Variants in SYNCRIP observed in about 807,000 individuals in gnomAD.
The protein encoded by SYNCRIP is heterogeneous nuclear ribonucleoprotein Q.
In SYNCRIP, 9 loss-of-function variants were observed where a neutral mutation model predicts 68.9. The observed-to-expected ratio is 0.13, with a 90% CI of 0.08 to 0.23. SYNCRIP has a LOEUF of 0.23. Among genes scored for constraint, SYNCRIP ranks in the 10% least tolerant of loss-of-function variants. The pLI, the probability that SYNCRIP is intolerant of heterozygous loss-of-function variation, is 1.00. For synonymous variants in SYNCRIP, 258 were observed against 254.0 expected (o/e 1.02, Z -0.15); for missense variants, 414 against 770.6 (o/e 0.54, Z 5.48).
At chr6:85,633,874 A>G (rs1808123785) in intron 6 of SYNCRIP, among the ~76,000 whole-genome samples, 1 of 152,130 alleles carries the variant, frequency 6.6e-6, no homozygotes, top group African/African-American at 2.4e-5. Flanking sequence ...CTTGCACCTC[A>G]GCCTACCAAA....
chr6:85,625,723 T>G (rs533009362), intron 6 of SYNCRIP, among the ~76,000 whole-genome samples: 1 of 152,224 alleles, frequency 6.6e-6, no homozygotes, highest in East Asian at 1.9e-4. Flanking sequence ...CTGAAGAAAT[T>G]GCCTTCCTTC....
chr6:85,640,798 A>G (rs971215610), intron 2 of SYNCRIP, among the ~76,000 whole-genome samples: 5 of 152,122 alleles, frequency 3.3e-5, no homozygotes, highest in Non-Finnish European at 7.4e-5. Context: ...TTTTATCTCC[A>G]AAGTCTGATA....
At chr6:85,641,538 C>T (rs983009023) in intron 1 of SYNCRIP, 87 bp from the exon 2 acceptor site, 1 of 1,323,904 alleles carries the variant, frequency 7.6e-7, no homozygotes, top group African/African-American at 1.5e-5. Context: ...CTTTCTCTAC[C>T]ATTTACTACA....
At chr6:85,609,666 A>T (rs1805095703), downstream of SYNCRIP, 1 of 152,024 alleles carries the variant, frequency 6.6e-6, no homozygotes, top group African/African-American at 2.4e-5. Flanking sequence ...TTTCTCACAA[A>T]GCAACTTTCT....
At position 85,614,793 on chromosome 6, in the gene SYNCRIP, T is replaced by C; in HGVS notation, c.1835A>G (p.Glu612Gly). The change falls in exon 11 of 11, where the codon GAG (glutamate) becomes GGG (glycine). Residue 612 changes from glutamate (E) to glycine (G), a missense_variant. This residue lies in a region of SYNCRIP where 130 missense variants were observed against 149.0 expected (regional missense o/e 0.87). Coordinates refer to ENST00000369622, the MANE Select transcript of SYNCRIP (RefSeq NM_006372.5). ...TTGCCCAAAAGTATCCTGATAAAAC[T>C]CCTGGTTTTCAGATTTGTAACCATA... Reference protein sequence around the residue: ...GNYGYKSENQEFYQDTFGQQW... With the variant: ...GNYGYKSENQGFYQDTFGQQW... 1 of 1,610,506 alleles carries C rather than the reference T, an allele frequency of 6.2e-7. No individual in the cohort carries two copies. Among genetic ancestry groups the C allele is most frequent in the Middle Eastern group, 1.7e-4 (1 of 6,038 alleles).
intron 1 of SYNCRIP, among the ~76,000 whole-genome samples, chr6:85,642,279 AC>A (rs1809273657): frequency 6.6e-6 from 1 of 151,466 alleles, no homozygotes; most frequent in Non-Finnish European, 1.5e-5. Flanking sequence ...GGCGCCGACG[AC>A]CCCCGGCCGC....
At chr6:85,616,538 G>C (rs1805796666) in intron 10 of SYNCRIP, among the ~76,000 whole-genome samples, 1 of 152,028 alleles carries the variant, frequency 6.6e-6, no homozygotes, top group African/African-American at 2.4e-5. Flanking sequence ...TGGCCAGGCT[G>C]GTCTCGAACT....
chr6:85,622,130 T>G (rs1472631112), intron 8 of SYNCRIP, among the ~76,000 whole-genome samples: 2 of 152,062 alleles, frequency 1.3e-5, no homozygotes, highest in Non-Finnish European at 2.9e-5. Flanking sequence ...TCCCAGCACT[T>G]TGGAAGGCCG....
intron 8 of SYNCRIP, among the ~76,000 whole-genome samples, chr6:85,619,905 T>TG (rs1322087691): frequency 1.3e-5 from 2 of 152,192 alleles, no homozygotes; most frequent in Non-Finnish European, 2.9e-5. Context: ...AAAACTTACA[T>TG]GCACACAAAA....
At chr6:85,626,290 G>A (rs368550785) in intron 6 of SYNCRIP, among the ~76,000 whole-genome samples, 1 of 152,146 alleles carries the variant, frequency 6.6e-6, no homozygotes, top group Non-Finnish European at 1.5e-5. Context: ...TTATAATCTA[G>A]CATCAAGTAG....
At position 85,614,538 on chromosome 6, in the gene SYNCRIP, G is replaced by GT; in HGVS notation, c.*217dup. 7.9e-7 allele frequency: 1 copy of GT among 1,261,628 alleles called. No individual in the cohort carries two copies. The highest frequency in any genetic ancestry group is 2.8e-5 in the South Asian group (1 of 35,816). The allele number at this position is 1,261,628 out of a possible 1,614,324, so 78.2% of individuals were successfully genotyped here. A position where few individuals can be genotyped will look rare whatever the true frequency, so the allele number is the denominator to read the frequency against. ...GCAAACTCATTAACTATTTCTTTCAGTATCTAAGAATATCTTTATTGAAAA... is the reference window on the plus strand; with the variant it reads ...GCAAACTCATTAACTATTTCTTTCAGTTATCTAAGAATATCTTTATTGAAAA... On this transcript the variant is annotated 3_prime_UTR_variant, in exon 11 of 11. Coordinates refer to ENST00000369622, the MANE Select transcript of SYNCRIP (RefSeq NM_006372.5).
chr6:85,617,018 G>A (rs1249079962), intron 10 of SYNCRIP, among the ~76,000 whole-genome samples: 1 of 152,018 alleles, frequency 6.6e-6, no homozygotes, highest in Non-Finnish European at 1.5e-5. Flanking sequence ...GGTTAAGAGG[G>A]AAAATTATGG....
In SYNCRIP at chr6:85,619,330, G is replaced by T. The variant is rs1806129569; in HGVS notation, c.1096C>A (p.Arg366=). ...KAFSQFGKLE[R]VKKLKDYAFI... is the part of the protein sequence containing the mutation. Reference sequence around the variant, plus strand: ...GCATAATCTTTTAACTTCTTCACTCGTTCCAGTTTCCCAAACTGACTAAAT... The same window carrying T: ...GCATAATCTTTTAACTTCTTCACTCTTTCCAGTTTCCCAAACTGACTAAAT... Residue 366 remains arginine (R), a synonymous_variant, in exon 9 of 11, where the codon CGA becomes AGA. Coordinates refer to ENST00000369622, the MANE Select transcript of SYNCRIP (RefSeq NM_006372.5). 1.9e-6 allele frequency: 3 copies of T among 1,613,738 alleles called. No homozygotes were observed. The African/African-American group carries it at 4.0e-5, about 22-fold the overall frequency.
At chr6:85,634,801 C>A (rs570340095) in intron 6 of SYNCRIP, among the ~76,000 whole-genome samples, 2 of 152,170 alleles carry the variant, frequency 1.3e-5, no homozygotes, top group Non-Finnish European at 2.9e-5. Flanking sequence ...GATTTTGGGA[C>A]AGGCAAGGTG....
Position 85,614,202 on chromosome 6 carries a change from T to C in SYNCRIP, c.*554A>G. 1 of 985,720 alleles carries C rather than the reference T, an allele frequency of 1.0e-6. No homozygotes were observed. Among genetic ancestry groups the C allele is most frequent in the Middle Eastern group, 5.2e-4 (1 of 1,916 alleles). The allele number at this position is 985,720 out of a possible 1,614,324, so 61.1% of individuals were successfully genotyped here. A position where few individuals can be genotyped will look rare whatever the true frequency, so the allele number is the denominator to read the frequency against. On this transcript the variant is annotated 3_prime_UTR_variant, in exon 11 of 11. Transcript: ENST00000369622. ...TGTGAAAAACGAATTGTAAACACAA[T>C]TTTAGTAAGTATACATTTAGGTGTG...
At chr6:85,613,705 A>AT (rs1373133073), downstream of SYNCRIP, among the ~76,000 whole-genome samples, 2 of 152,348 alleles carry the variant, frequency 1.3e-5, no homozygotes, top group East Asian at 3.9e-4. Flanking sequence ...AAGTACAGTG[A>AT]TTATTTAGAG....
chr6:85,615,899 A>C (rs1176554653), intron 10 of SYNCRIP, among the ~76,000 whole-genome samples: 1 of 152,258 alleles, frequency 6.6e-6, no homozygotes, highest in Non-Finnish European at 1.5e-5. Context: ...CAAAATGGCA[A>C]GTAGGACAAG....
Position 85,614,585 on chromosome 6 carries a change from C to T in SYNCRIP, c.*171G>A, listed in dbSNP as rs770231168. The T allele has an allele frequency of 3.9e-6, 5 of 1,283,372 alleles. No individual in the cohort carries two copies. The highest frequency in any genetic ancestry group is 3.1e-5 in the East Asian group (1 of 32,682). The allele number at this position is 1,283,372 out of a possible 1,614,324, so 79.5% of individuals were successfully genotyped here. On this transcript the variant is annotated 3_prime_UTR_variant, in exon 11 of 11. Coordinates refer to ENST00000369622, the MANE Select transcript of SYNCRIP (RefSeq NM_006372.5). ...AAAAAAATTAAAAATAAAATCAGTT[C>T]GCCAGAAGCAGTTAGAAGTGTGGCT... is the stretch of plus-strand genomic sequence containing the variant.
intron 6 of SYNCRIP, among the ~76,000 whole-genome samples, chr6:85,626,223 T>A (rs1388007645): frequency 6.6e-6 from 1 of 152,246 alleles, no homozygotes; most frequent in Admixed American, 6.5e-5. Flanking sequence ...ATTTTGCAAG[T>A]AAAATTAAAC....
Sources: allele counts gnomAD v4.1 joint callset (sites outside exome capture counted in the v4.1 genomes callset), GRCh38; gene constraint gnomAD v4.1.1; regional missense constraint gnomAD v4.1.1; transcripts MANE v1.5; gene names NCBI Gene and HGNC (gene_info 2026-07-23, HGNC 2026-07-21).